PRICKLE2: variants seen among roughly 807,000 people sequenced by gnomAD.
The protein encoded by PRICKLE2 is prickle planar cell polarity protein 2.
A neutral mutation model predicts 81.4 loss-of-function variants in PRICKLE2; 21 were observed. That is an observed-to-expected ratio of 0.26 (90% CI 0.18 to 0.37). The LOEUF (loss-of-function observed/expected upper bound fraction) is 0.37. PRICKLE2 is among the 10% of genes least tolerant of loss of function. The probability of loss-of-function intolerance (pLI) is 1.00; values close to 1 mark genes in which losing one functional copy is unlikely to be tolerated. For synonymous variants in PRICKLE2, 456 were observed against 421.5 expected (o/e 1.08, Z -1.00); for missense variants, 940 against 1,109.0 (o/e 0.85, Z 2.16).
At chr3:64,220,514 T>G (rs1303412172) in intron 1 of PRICKLE2, among the ~76,000 whole-genome samples, 4 of 152,148 alleles carry the variant, frequency 2.6e-5, no homozygotes, top group Non-Finnish European at 5.9e-5. Context: ...TGTGCTGCCT[T>G]CAGTGCCCCA....
intron 7 of PRICKLE2, among the ~76,000 whole-genome samples, chr3:64,114,642 T>C (rs75342268): frequency 6.7e-6 from 1 of 150,184 alleles, no homozygotes; most frequent in East Asian, 2.0e-4. Flanking sequence ...GACTGGCTTT[T>C]TGAAATAAGA....
chr3:64,208,566 G>A (rs2078730300), intron 1 of PRICKLE2, among the ~76,000 whole-genome samples: 1 of 152,224 alleles, frequency 6.6e-6, no homozygotes, highest in Non-Finnish European at 1.5e-5. Context: ...TCCAGGCTCT[G>A]ACTCCTGTTG....
intron 7 of PRICKLE2, among the ~76,000 whole-genome samples, chr3:64,131,150 C>A (rs1486579023): frequency 6.6e-6 from 1 of 152,198 alleles, no homozygotes; most frequent in Non-Finnish European, 1.5e-5. Context: ...GAATTTGCCC[C>A]AAATTGTGAG....
chr3:64,253,282 A>C (rs1055035443), intron 2 of PRICKLE2, among the ~76,000 whole-genome samples: 2 of 152,218 alleles, frequency 1.3e-5, no homozygotes, highest in African/African-American at 4.8e-5. Flanking sequence ...CAGTCTAAGT[A>C]ATCCATTCTA....
At chr3:64,116,178 T>C (rs1454204789) in intron 7 of PRICKLE2, among the ~76,000 whole-genome samples, 5 of 152,132 alleles carry the variant, frequency 3.3e-5, no homozygotes, top group Non-Finnish European at 5.9e-5. Flanking sequence ...ATCAGAATCT[T>C]TGGGATGCAG....
chr3:64,137,985 C>G (rs958372064), intron 7 of PRICKLE2, among the ~76,000 whole-genome samples: 4 of 152,168 alleles, frequency 2.6e-5, no homozygotes, highest in Non-Finnish European at 4.4e-5. Flanking sequence ...AAAATCACCA[C>G]AGGCCACACC....
chr3:64,103,229 G>A (rs370086624), intron 7 of PRICKLE2: 25 of 152,132 alleles, frequency 1.6e-4, no homozygotes, highest in African/African-American at 4.8e-4. Context: ...TTCTCCTGGC[G>A]TCTAGTAGGT....
Position 64,219,143 on chromosome 3 carries a change from C to A in PRICKLE2, c.-41+5767G>T, listed in dbSNP as rs550486291. Among the ~76,000 whole-genome samples, 93 of 152,294 alleles carry A rather than the reference C, an allele frequency of 6.1e-4. 1 individual carries two copies. Among genetic ancestry groups the A allele is most frequent in the Non-Finnish European group, 1.1e-3 (73 of 68,022 alleles). ...AGAGAAGTCAGGTCCTGATCTAAAA[C>A]TTGACCTTTTAGTTCCCCGCCAAGA... On this transcript the variant is annotated intron_variant, in intron 1 of 7. Transcript: ENST00000638394.
chr3:64,126,670 C>T (rs2077111969), intron 7 of PRICKLE2, among the ~76,000 whole-genome samples: 2 of 152,132 alleles, frequency 1.3e-5, no homozygotes, highest in South Asian at 4.1e-4. Flanking sequence ...CTCCGCCTCC[C>T]AGGTACAAGC....
intron 2 of PRICKLE2, among the ~76,000 whole-genome samples, chr3:64,167,756 T>C (rs1443794910): frequency 6.6e-6 from 1 of 152,230 alleles, no homozygotes; most frequent in Non-Finnish European, 1.5e-5. Context: ...CAAAGCACTT[T>C]ATTTAGAGCA....
intron 2 of PRICKLE2, among the ~76,000 whole-genome samples, chr3:64,189,015 G>A (rs1209995725): frequency 6.6e-6 from 1 of 152,198 alleles, no homozygotes; most frequent in African/African-American, 2.4e-5. Context: ...GCTCCACAAA[G>A]GCAGAAGTAC....
At chr3:64,181,685 T>C (rs188959724) in intron 2 of PRICKLE2, among the ~76,000 whole-genome samples, 72 of 152,286 alleles carry the variant, frequency 4.7e-4, no homozygotes, top group African/African-American at 1.5e-3. Flanking sequence ...TCAGAATCCG[T>C]TGTTAATGTG....
chr3:64,109,616 A>G (rs2076812065), intron 7 of PRICKLE2, among the ~76,000 whole-genome samples: 1 of 152,216 alleles, frequency 6.6e-6, no homozygotes, highest in South Asian at 2.1e-4. Flanking sequence ...GAGTGTGCAT[A>G]ACTTCTTACT....
intron 7 of PRICKLE2, among the ~76,000 whole-genome samples, chr3:64,111,863 T>C (rs2076852207): frequency 6.6e-6 from 1 of 152,194 alleles, no homozygotes. Context: ...AATAATTCAC[T>C]GAGGTGTCAC....
chr3:64,127,950 G>T (rs1200200805), intron 7 of PRICKLE2, among the ~76,000 whole-genome samples: 1 of 152,120 alleles, frequency 6.6e-6, no homozygotes, highest in Non-Finnish European at 1.5e-5. Flanking sequence ...TGAAAAGAGA[G>T]TGGGGCTTGA....
At chr3:64,202,974 G>A (rs2078615982) in intron 1 of PRICKLE2, among the ~76,000 whole-genome samples, 1 of 152,158 alleles carries the variant, frequency 6.6e-6, no homozygotes, top group South Asian at 2.1e-4. Context: ...CCACAAAAGG[G>A]TGTTGGAGTT....
intron 2 of PRICKLE2, among the ~76,000 whole-genome samples, chr3:64,195,997 G>A (rs1386532227): frequency 6.6e-6 from 1 of 152,162 alleles, no homozygotes; most frequent in East Asian, 1.9e-4. Context: ...CAAACCACTT[G>A]TTCAATGGCA....
chr3:64,189,071 T>C (rs956922255), intron 2 of PRICKLE2, among the ~76,000 whole-genome samples: 6 of 152,206 alleles, frequency 3.9e-5, no homozygotes, highest in South Asian at 2.1e-4. Flanking sequence ...GGAAAGTACT[T>C]GCCATATAGT....
At chr3:64,230,432 A>T (rs1255290593), upstream of PRICKLE2, among the ~76,000 whole-genome samples, 2 of 152,198 alleles carry the variant, frequency 1.3e-5, no homozygotes, top group Non-Finnish European at 2.9e-5. Context: ...AATATTGTAA[A>T]TTTTAATTAA....
Sources: allele counts gnomAD v4.1 joint callset (sites outside exome capture counted in the v4.1 genomes callset), GRCh38; gene constraint gnomAD v4.1.1; transcripts MANE v1.5; gene names NCBI Gene and HGNC (gene_info 2026-07-23, HGNC 2026-07-21).